SRRM4: variants seen among roughly 807,000 people sequenced by gnomAD.
The protein encoded by SRRM4 is serine/arginine repetitive matrix 4.
Under a neutral mutation model 68.9 loss-of-function variants are expected in SRRM4, and 33 were observed. That is an observed-to-expected ratio of 0.48 (90% CI 0.36 to 0.64). The LOEUF is 0.64. SRRM4 is among the 30% of genes least tolerant of loss of function. The pLI is 0.00. For missense variants in SRRM4, 817 were observed against 827.1 expected (o/e 0.99, Z 0.15); for synonymous variants, 318 against 318.8 (o/e 1.00, Z 0.03).
chr12:119,066,403 T>C (rs929105640), intron 1 of SRRM4, among the ~76,000 whole-genome samples: 4 of 152,240 alleles, frequency 2.6e-5, no homozygotes, highest in African/African-American at 7.2e-5. Flanking sequence ...TCTCAGTGAA[T>C]GTGGTTGCAA....
chr12:119,131,308 G>C (rs986618164), intron 8 of SRRM4, among the ~76,000 whole-genome samples: 1 of 152,172 alleles, frequency 6.6e-6, no homozygotes, highest in East Asian at 1.9e-4. Context: ...ACATGACCTT[G>C]AATTTATATG....
chr12:119,136,770 T>C (rs1372065689), intron 8 of SRRM4, among the ~76,000 whole-genome samples: 2 of 152,058 alleles, frequency 1.3e-5, no homozygotes, highest in East Asian at 3.9e-4. Flanking sequence ...GGGCAGGGGG[T>C]CCTCAGGAGA....
intron 9 of SRRM4, among the ~76,000 whole-genome samples, chr12:119,150,152 G>A (rs1460277840): frequency 6.6e-6 from 1 of 152,176 alleles, no homozygotes; most frequent in African/African-American, 2.4e-5. Context: ...GAAAATTACA[G>A]TACTATCTGA....
intron 1 of SRRM4, among the ~76,000 whole-genome samples, chr12:119,043,160 C>A (rs555653493): frequency 6.6e-6 from 1 of 152,174 alleles, no homozygotes; most frequent in Admixed American, 6.5e-5. Context: ...CAATGATAGA[C>A]TGGATAAAGC....
At chr12:119,068,871 T>G (rs1953861516) in intron 1 of SRRM4, among the ~76,000 whole-genome samples, 1 of 151,998 alleles carries the variant, frequency 6.6e-6, no homozygotes, top group South Asian at 2.1e-4. Context: ...CTGGGAGGAA[T>G]CCCTACATGA....
chr12:119,129,205 G>A (rs1222436233), intron 7 of SRRM4, among the ~76,000 whole-genome samples: 1 of 148,038 alleles, frequency 6.8e-6, no homozygotes, highest in Non-Finnish European at 1.5e-5. Flanking sequence ...ATGTCTTCAA[G>A]TTGTAGGGAA....
intron 1 of SRRM4, chr12:118,991,726 G>A (rs2135989527): frequency 6.6e-6 from 1 of 152,358 alleles, no homozygotes. Context: ...CTGATTCATA[G>A]GAGAATTGTT....
chr12:119,093,694 T>G (rs146837356), intron 1 of SRRM4, among the ~76,000 whole-genome samples: 19 of 152,182 alleles, frequency 1.2e-4, no homozygotes, highest in Non-Finnish European at 2.4e-4. Context: ...TCAGCAGGAC[T>G]CCAGGTCCCA....
At chr12:119,138,572 T>C (rs1040436104) in intron 8 of SRRM4, among the ~76,000 whole-genome samples, 4 of 152,184 alleles carry the variant, frequency 2.6e-5, no homozygotes, top group Admixed American at 6.5e-5. Context: ...AGGTTAACTC[T>C]GGGGTGCATG....
intron 1 of SRRM4, among the ~76,000 whole-genome samples, chr12:119,061,906 A>G (rs1953814573): frequency 6.6e-6 from 1 of 152,116 alleles, no homozygotes. Context: ...CCCCAGAGGG[A>G]AAAAATATCC....
chr12:119,125,943 C>A lies in SRRM4; in HGVS notation c.614+464C>A, dbSNP rs1172823050. Among the ~76,000 whole-genome samples, 6 of 146,306 alleles carry A rather than the reference C, an allele frequency of 4.1e-5. No individual in the cohort carries two copies. The East Asian group carries it at 1.2e-3, about 30-fold the overall frequency. The stretch of plus-strand genomic sequence containing the variant: ...CTCAAAACAAAAACAAAAACAAAAA[C>A]AAGAGAAAGGGCTGGAGACCAAAAG... On this transcript the variant is annotated intron_variant, in intron 7 of 12. Transcript: ENST00000267260.
In SRRM4 at chr12:119,157,617, C is replaced by CAGG. The variant is rs1301874660; in HGVS notation, c.*821_*823dup. On this transcript the variant is annotated 3_prime_UTR_variant, in exon 13 of 13. Coordinates refer to ENST00000267260, the MANE Select transcript of SRRM4 (RefSeq NM_194286.4). This position sits in a 1 kb window ranked among gnomAD's most constrained non-coding sequence, Gnocchi z 4.1. ...ACGAGAAAGGAGATAGTGGAAGAGT[C>CAGG]AGGACAGGTTGGTCTCCAGCCCCAC... 4 of 152,532 alleles carry CAGG rather than the reference C, an allele frequency of 2.6e-5. No individual in the cohort carries two copies. The highest frequency in any genetic ancestry group is 1.5e-5 in the Non-Finnish European group (1 of 68,294). 9.4% of individuals were successfully genotyped at this position (152,532 alleles called of 1,614,324 possible).
At chr12:119,020,219 A>G (rs977169739) in intron 1 of SRRM4, among the ~76,000 whole-genome samples, 13 of 152,010 alleles carry the variant, frequency 8.6e-5, no homozygotes, top group African/African-American at 2.7e-4. Context: ...CCTTTATCAT[A>G]CTGATGGGAC....
intron 1 of SRRM4, among the ~76,000 whole-genome samples, chr12:119,024,345 C>G (rs1206184836): frequency 6.6e-6 from 1 of 152,218 alleles, no homozygotes; most frequent in African/African-American, 2.4e-5. Context: ...CAGCGTATCT[C>G]TGTGTAGTTA....
chr12:119,133,921 A>C (rs550330651), intron 8 of SRRM4, among the ~76,000 whole-genome samples: 5 of 152,304 alleles, frequency 3.3e-5, no homozygotes, highest in Non-Finnish European at 7.4e-5. Flanking sequence ...CAAGGTTAGC[A>C]GACAGGGGAG....
chr12:119,062,375 T>C (rs1045442035), intron 1 of SRRM4, among the ~76,000 whole-genome samples: 1 of 152,238 alleles, frequency 6.6e-6, no homozygotes, highest in African/African-American at 2.4e-5. Context: ...CTACGCTCAA[T>C]TTATTTTTTA....
At chr12:119,010,317 T>C (rs934566226) in intron 1 of SRRM4, among the ~76,000 whole-genome samples, 3 of 152,216 alleles carry the variant, frequency 2.0e-5, no homozygotes, top group African/African-American at 7.2e-5. Flanking sequence ...CCTCCCAGAG[T>C]GCTGGGAGTA....
At position 119,056,142 on chromosome 12, in the gene SRRM4, G is replaced by A. The variant is rs549689065; in HGVS notation, c.132-46094G>A. On this transcript the variant is annotated intron_variant, in intron 1 of 12. Coordinates refer to ENST00000267260, the MANE Select transcript of SRRM4 (RefSeq NM_194286.4). ...CCTCCCTCCCACAAGGCCCAGAATA[G>A]CCATGTACATCCTGGCTCCAAAACA... Among the ~76,000 whole-genome samples the A allele has an allele frequency of 4.6e-5, 7 of 152,266 alleles. No homozygotes were observed. In the South Asian group the frequency reaches 6.2e-4, roughly 14 times the overall value.
At chr12:119,018,916 C>T (rs1035464123) in intron 1 of SRRM4, among the ~76,000 whole-genome samples, 8 of 152,154 alleles carry the variant, frequency 5.3e-5, no homozygotes, top group African/African-American at 1.4e-4. Flanking sequence ...CACTCACCCC[C>T]AGGAGTGGCT....
Sources: gnomAD v4.1 joint callset for allele counts (sites outside exome capture counted in the v4.1 genomes callset) on GRCh38, gnomAD v4.1.1 for gene constraint, Gnocchi (gnomAD v3.1) non-coding constraint, MANE v1.5 for transcripts, NCBI Gene and HGNC (gene_info 2026-07-23, HGNC 2026-07-21) for gene names.